The following NINJ2 variants were observed in gnomAD, a reference collection of about 807,000 sequenced individuals.
NINJ2 encodes the protein ninjurin 2.
In NINJ2, 12 loss-of-function variants were observed where a neutral mutation model predicts 11.7. That is an observed-to-expected ratio of 1.02 (90% CI 0.66 to 1.66). The LOEUF is 1.66. Among genes scored for constraint, NINJ2 ranks in the 40% most tolerant of loss-of-function variants. The pLI, the probability that NINJ2 is intolerant of heterozygous loss-of-function variation, is 0.00. For missense variants in NINJ2, 187 were observed against 181.8 expected, an observed-to-expected ratio of 1.03 and a Z score of -0.16; for synonymous variants, 93 against 76.8, an observed-to-expected ratio of 1.21 and a Z score of -1.10.
intron 1 of NINJ2, among the ~76,000 whole-genome samples, chr12:652,349 T>TA (rs981196625): frequency 1.3e-5 from 2 of 152,124 alleles, no homozygotes; most frequent in African/African-American, 4.8e-5. Context: ...GAAGGAGAAA[T>TA]AAAGACTTTC....
At chr12:575,496 C>G (rs939323249) in intron 1 of NINJ2, among the ~76,000 whole-genome samples, 1 of 152,204 alleles carries the variant, frequency 6.6e-6, no homozygotes, top group East Asian at 1.9e-4. Flanking sequence ...AGCCTCCCCT[C>G]CTTTCTAGAC....
At chr12:565,115 CTTTG>C (rs1947273674) in intron 3 of NINJ2, 98 bp downstream of exon 3, 2 of 969,784 alleles carry the variant, frequency 2.1e-6, no homozygotes, top group Admixed American at 5.8e-5. Flanking sequence ...GGCCTTCCCC[CTTTG>C]TTTGGCAAGG....
At chr12:632,127 A>T (rs1279410260) in intron 1 of NINJ2, 2 of 152,150 alleles carry the variant, frequency 1.3e-5, no homozygotes, top group Non-Finnish European at 2.9e-5. Flanking sequence ...TTGAAGGGAC[A>T]TGGGGGACCC....
intron 1 of NINJ2, among the ~76,000 whole-genome samples, chr12:647,553 C>A (rs780947823): frequency 8.5e-5 from 13 of 152,210 alleles, no homozygotes; most frequent in Non-Finnish European, 1.2e-4. Flanking sequence ...CTGCTCCAAC[C>A]TGGGCCCCTT....
chr12:636,438 C>A (rs1029271753), intron 1 of NINJ2, among the ~76,000 whole-genome samples: 3 of 151,684 alleles, frequency 2.0e-5, no homozygotes, highest in African/African-American at 7.3e-5. Context: ...AGTGAAAAGA[C>A]AACCTACAGA....
intron 1 of NINJ2, among the ~76,000 whole-genome samples, chr12:627,899 C>T (rs1021104690): frequency 6.6e-6 from 1 of 152,200 alleles, no homozygotes; most frequent in Non-Finnish European, 1.5e-5. Flanking sequence ...TGGGCCACTG[C>T]ACTCCAGCCT....
intron 1 of NINJ2, among the ~76,000 whole-genome samples, chr12:583,828 T>C (rs908091901): frequency 2.8e-4 from 42 of 152,286 alleles, no homozygotes; most frequent in African/African-American, 9.4e-4. Flanking sequence ...CCTTCATAGC[T>C]GCATGGCTTG....
At chr12:612,912 G>A (rs1165393086) in intron 1 of NINJ2, among the ~76,000 whole-genome samples, 1 of 152,170 alleles carries the variant, frequency 6.6e-6, no homozygotes, top group Admixed American at 6.5e-5. Flanking sequence ...CAGATTGATC[G>A]CCTGATCGGC....
At chr12:598,200 A>G (rs1040449392) in intron 1 of NINJ2, among the ~76,000 whole-genome samples, 1 of 152,190 alleles carries the variant, frequency 6.6e-6, no homozygotes, top group Non-Finnish European at 1.5e-5. Flanking sequence ...CACTTTGCCA[A>G]CACCCTGTTT....
intron 1 of NINJ2, among the ~76,000 whole-genome samples, chr12:604,307 C>T (rs528606994): frequency 2.0e-5 from 3 of 152,128 alleles, no homozygotes; most frequent in Admixed American, 6.5e-5. Flanking sequence ...ATAAGTAGAA[C>T]GAGGAGTAGT....
chr12:661,418 C>G (rs1937957094), intron 1 of NINJ2, among the ~76,000 whole-genome samples: 1 of 152,138 alleles, frequency 6.6e-6, no homozygotes, highest in Admixed American at 6.5e-5. Context: ...AATGGATAAC[C>G]TTCTGAGCAA....
At chr12:607,388 A>T (rs1048441553) in intron 1 of NINJ2, among the ~76,000 whole-genome samples, 3 of 152,192 alleles carry the variant, frequency 2.0e-5, no homozygotes, top group African/African-American at 7.2e-5. Context: ...TGACGACTGG[A>T]GTAGAAATAC....
At chr12:611,211 C>CTCTT (rs752433292) in intron 1 of NINJ2, among the ~76,000 whole-genome samples, 1 of 148,940 alleles carries the variant, frequency 6.7e-6, no homozygotes, top group Non-Finnish European at 1.5e-5. Context: ...TTTTCTTTCC[C>CTCTT]TCTTTCTTTC....
intron 1 of NINJ2, among the ~76,000 whole-genome samples, chr12:635,814 C>T (rs1948345006): frequency 6.6e-6 from 1 of 152,258 alleles, no homozygotes; most frequent in Non-Finnish European, 1.5e-5. Flanking sequence ...GCGGTTCACG[C>T]CTGTAATCCC....
intron 1 of NINJ2, among the ~76,000 whole-genome samples, chr12:638,243 G>A (rs951392879): frequency 6.6e-6 from 1 of 152,156 alleles, no homozygotes; most frequent in Admixed American, 6.5e-5. Context: ...CTTGTGTTGA[G>A]TAATTTTTCA....
chr12:632,005 G>A (rs191984455), intron 1 of NINJ2, among the ~76,000 whole-genome samples: 13 of 152,294 alleles, frequency 8.5e-5, no homozygotes, highest in Non-Finnish European at 4.4e-5. Flanking sequence ...ACCAGGTTAT[G>A]AGGAAGCCCA....
At chr12:635,250 C>T (rs1333716968) in intron 1 of NINJ2, among the ~76,000 whole-genome samples, 1 of 152,120 alleles carries the variant, frequency 6.6e-6, no homozygotes, top group African/African-American at 2.4e-5. Context: ...AGGGTTTCGC[C>T]ATGTTGGCCA....
chr12:624,808 CAA>C (rs11371283), intron 1 of NINJ2, among the ~76,000 whole-genome samples: 26 of 129,676 alleles, frequency 2.0e-4, no homozygotes, highest in African/African-American at 4.7e-4. Context: ...GACTCCATCT[CAA>C]AAAAAAAAAA....
At chr12:658,853 A>G (rs1452529514) in intron 1 of NINJ2, among the ~76,000 whole-genome samples, 3 of 152,036 alleles carry the variant, frequency 2.0e-5, no homozygotes, top group African/African-American at 7.2e-5. Flanking sequence ...TGATGTGTCA[A>G]TGTAAGGCTC....
Sources: gnomAD v4.1 joint callset for allele counts (sites outside exome capture counted in the v4.1 genomes callset) on GRCh38, gnomAD v4.1.1 for gene constraint, MANE v1.5 for transcripts, NCBI Gene and HGNC (gene_info 2026-07-23, HGNC 2026-07-21) for gene names.